TBC1D12: variants seen among roughly 807,000 people sequenced by gnomAD.
TBC1D12 encodes TBC1 domain family, member 12.
A neutral mutation model predicts 86.7 loss-of-function variants in TBC1D12; 56 were observed. That is an observed-to-expected ratio of 0.65 (90% confidence interval 0.52 to 0.81). TBC1D12 has a LOEUF of 0.81. TBC1D12 is among the 30% of genes least tolerant of loss of function. TBC1D12 has a pLI of 0.00. For synonymous variants in TBC1D12, 421 were observed against 411.7 expected, an observed-to-expected ratio of 1.02 and a Z score of -0.27; for missense variants, 1,023 against 1,038.8, an observed-to-expected ratio of 0.98 and a Z score of 0.21.
chr10:94,424,014 T>C (rs2055114618), intron 1 of TBC1D12, among the ~76,000 whole-genome samples: 1 of 152,222 alleles, frequency 6.6e-6, no homozygotes, highest in South Asian at 2.1e-4. Flanking sequence ...CTAAAAAATA[T>C]AACTATTTAC....
At chr10:94,506,335 G>A (rs751308194) in intron 6 of TBC1D12, among the ~76,000 whole-genome samples, 6 of 151,974 alleles carry the variant, frequency 3.9e-5, no homozygotes, top group Admixed American at 2.0e-4. Flanking sequence ...CACCATGCCC[G>A]GCCTACTTTT....
At chr10:94,508,010 C>T (rs2056482123) in intron 7 of TBC1D12, among the ~76,000 whole-genome samples, 1 of 152,072 alleles carries the variant, frequency 6.6e-6, no homozygotes, top group African/African-American at 2.4e-5. Context: ...GTGAAAATTG[C>T]ACTTTAGTAG....
intron 12 of TBC1D12, among the ~76,000 whole-genome samples, chr10:94,531,710 TTA>T (rs1842425555): frequency 9.0e-6 from 1 of 110,538 alleles, no homozygotes; most frequent in African/African-American, 3.0e-5. Context: ...TTATGTTATT[TTA>T]TGTTATTTTA....
intron 1 of TBC1D12, among the ~76,000 whole-genome samples, chr10:94,426,426 T>C (rs1399027149): frequency 6.6e-6 from 1 of 152,202 alleles, no homozygotes; most frequent in Non-Finnish European, 1.5e-5. Context: ...CTGTGTCCAT[T>C]GATGTAATTG....
intron 1 of TBC1D12, 62 bp downstream of exon 1, chr10:94,403,646 T>C (rs918286823): frequency 7.3e-7 from 1 of 1,369,040 alleles, no homozygotes; most frequent in Non-Finnish European, 9.3e-7. Flanking sequence ...GCCGGGGTCT[T>C]GGTGGGAGTC....
chr10:94,402,572 A>C lies in TBC1D12; in HGVS notation c.-42A>C. The C allele has an allele frequency of 1.9e-6, 3 of 1,605,058 alleles. No individual in the cohort carries two copies. The highest frequency in any genetic ancestry group is 2.7e-5 in the African/African-American group (2 of 74,590). ...GTTCTCTGGCCAAGCCTGCGCCTGTAGTCCTTCTTTGCCTCCTGGGGCGGC... is the reference window on the plus strand; with the variant it reads ...GTTCTCTGGCCAAGCCTGCGCCTGTCGTCCTTCTTTGCCTCCTGGGGCGGC... On this transcript the variant is annotated 5_prime_UTR_variant, in exon 1 of 13. Coordinates refer to ENST00000225235, the MANE Select transcript of TBC1D12 (RefSeq NM_015188.2).
Position 94,411,912 on chromosome 10 carries a change from C to T in TBC1D12, c.971+8328C>T, listed in dbSNP as rs561274348. On this transcript the variant is annotated intron_variant, in intron 1 of 12. Coordinates refer to ENST00000225235, the MANE Select transcript of TBC1D12 (RefSeq NM_015188.2). ...GGTCGGGGCTGCAGTGAGCTATGGT[C>T]ACACCACTGCCTTCCTGCCTGGATG... Among the ~76,000 whole-genome samples the T allele has an allele frequency of 3.2e-4, 48 of 152,292 alleles. No individual in the cohort carries two copies. In the South Asian group the frequency reaches 3.7e-3, roughly 12 times the overall value.
intron 4 of TBC1D12, 71 bp from the exon 5 acceptor site, chr10:94,496,984 T>G: frequency 1.2e-6 from 1 of 836,628 alleles, no homozygotes; most frequent in Non-Finnish European, 1.8e-6. Flanking sequence ...TTTGTAGAGT[T>G]TAGGTAAATG....
At chr10:94,515,071 C>T (rs1427100908) in intron 9 of TBC1D12, among the ~76,000 whole-genome samples, 1 of 150,522 alleles carries the variant, frequency 6.6e-6, no homozygotes, top group African/African-American at 2.4e-5. Context: ...CTACGCCCGG[C>T]TAATTTTTTG....
At chr10:94,484,779 G>A (rs1483194536) in intron 3 of TBC1D12, among the ~76,000 whole-genome samples, 1 of 151,944 alleles carries the variant, frequency 6.6e-6, no homozygotes, top group African/African-American at 2.4e-5. Flanking sequence ...TCTTTTATCA[G>A]TGTTTTTACA....
At chr10:94,479,778 T>G (rs1460834661) in intron 3 of TBC1D12, among the ~76,000 whole-genome samples, 13 of 152,312 alleles carry the variant, frequency 8.5e-5, no homozygotes, top group Non-Finnish European at 2.9e-5. Flanking sequence ...GATTTATTGG[T>G]ATATGATTAA....
chr10:94,444,926 G>T (rs1168311956), intron 2 of TBC1D12, among the ~76,000 whole-genome samples: 4 of 150,100 alleles, frequency 2.7e-5, no homozygotes, highest in African/African-American at 9.7e-5. Flanking sequence ...TAGAGACGGG[G>T]TTTCACCGTG....
intron 2 of TBC1D12, among the ~76,000 whole-genome samples, chr10:94,465,653 A>ATATATAT (rs1176814157): frequency 1.2e-5 from 1 of 82,496 alleles, no homozygotes; most frequent in African/African-American, 4.3e-5. Context: ...CCTAAAAAAA[A>ATATATAT]AAATATATAT....
intron 1 of TBC1D12, among the ~76,000 whole-genome samples, chr10:94,408,773 T>G (rs183731280): frequency 6.6e-6 from 1 of 152,152 alleles, no homozygotes; most frequent in Non-Finnish European, 1.5e-5. Flanking sequence ...AAAAATTCCT[T>G]TCTCAAATCA....
chr10:94,524,157 T>G (rs1288249145), intron 11 of TBC1D12, among the ~76,000 whole-genome samples: 1 of 152,142 alleles, frequency 6.6e-6, no homozygotes, highest in African/African-American at 2.4e-5. Context: ...TTCCTTCCAT[T>G]TTTTACTTCC....
intron 6 of TBC1D12, among the ~76,000 whole-genome samples, chr10:94,505,050 A>G (rs1418825386): frequency 2.0e-5 from 3 of 152,012 alleles, no homozygotes; most frequent in Non-Finnish European, 4.4e-5. Flanking sequence ...CCACATTTTT[A>G]TTATTAGATC....
chr10:94,500,143 T>C, intron 5 of TBC1D12, 78 bp from the exon 6 acceptor site: 1 of 1,303,898 alleles, frequency 7.7e-7, no homozygotes, highest in African/African-American at 1.5e-5. Context: ...GGCCATAGAC[T>C]AAAGATAATC....
At chr10:94,415,624 C>T (rs2054989632) in intron 1 of TBC1D12, among the ~76,000 whole-genome samples, 1 of 152,120 alleles carries the variant, frequency 6.6e-6, no homozygotes, top group African/African-American at 2.4e-5. Context: ...GTCCCAGCTA[C>T]TCGGGAGGCT....
intron 2 of TBC1D12, among the ~76,000 whole-genome samples, chr10:94,445,840 C>T (rs992854008): frequency 3.3e-5 from 5 of 151,356 alleles, no homozygotes; most frequent in East Asian, 2.0e-4. Context: ...TCCAGCTGCT[C>T]GGAAGGCTGA....
Sources: allele counts gnomAD v4.1 joint callset (sites outside exome capture counted in the v4.1 genomes callset), GRCh38; gene constraint gnomAD v4.1.1; transcripts MANE v1.5; gene names NCBI Gene and HGNC (gene_info 2026-07-23, HGNC 2026-07-21).